EIF3L: variants seen among roughly 807,000 people sequenced by gnomAD.
The protein encoded by EIF3L is eIEF associated protein HSPC021.
Under a neutral mutation model 74.6 loss-of-function variants are expected in EIF3L, and 32 were observed. That is an observed-to-expected ratio of 0.43 (90% confidence interval 0.32 to 0.58). EIF3L has a LOEUF of 0.58. Among genes scored for constraint, EIF3L ranks in the 20% least tolerant of loss-of-function variants. The pLI is 0.06. For missense variants in EIF3L, 474 were observed against 707.8 expected (o/e 0.67, Z 3.75); for synonymous variants, 256 against 254.4 (o/e 1.01, Z -0.06).
intron 5 of EIF3L, among the ~76,000 whole-genome samples, chr22:37,860,865 A>G (rs112518771): frequency 9.4e-4 from 143 of 152,180 alleles, no homozygotes; most frequent in African/African-American, 3.2e-3. Context: ...GTCACTTCCA[A>G]TCCTACCATG....
Position 37,888,453 on chromosome 22 carries a change from C to T in EIF3L, c.1684C>T (p.Gln562Ter), listed in dbSNP as rs1231667754. The change falls in exon 13 of 13, where the codon CAG becomes TAG. Residue 562 changes from glutamine to a stop codon, truncating the protein, a stop_gained. Coordinates refer to ENST00000652021, the MANE Select transcript of EIF3L (RefSeq NM_016091.4). LOFTEE classifies it high-confidence loss of function. ...TAATCGAACCCTGAAGAAGATGGGA[C>T]AGAGACCTTGATGATATTCACACAC... ...ELNRTLKKMG[Q>*]RP The T allele has an allele frequency of 6.2e-7, 1 of 1,613,880 alleles. No homozygotes were observed. The highest frequency in any genetic ancestry group is 1.7e-5 in the Admixed American group (1 of 60,010).
intron 5 of EIF3L, among the ~76,000 whole-genome samples, chr22:37,861,457 G>A (rs896671861): frequency 2.6e-5 from 4 of 152,158 alleles, no homozygotes; most frequent in Non-Finnish European, 4.4e-5. Context: ...AGGCTAAGGC[G>A]GGTGGATCAC....
intron 11 of EIF3L, chr22:37,882,450 GATC>G (rs1927096868): frequency 6.6e-6 from 1 of 152,184 alleles, no homozygotes; most frequent in African/African-American, 2.4e-5. Flanking sequence ...AAGGTGGGTA[GATC>G]ATCAGAGGTC....
intron 2 of EIF3L, chr22:37,850,490 C>G (rs1046185922): frequency 2.7e-5 from 6 of 221,918 alleles, no homozygotes; most frequent in Non-Finnish European, 4.7e-5. Flanking sequence ...GCGCCCACCA[C>G]CATTCCCAGC....
chr22:37,877,505 G>C (rs938718291), intron 10 of EIF3L, 169 bp from the exon 11 acceptor site: 1 of 755,510 alleles, frequency 1.3e-6, no homozygotes, highest in Admixed American at 3.2e-5. Context: ...ATGGAAGTTA[G>C]GTAGATCTAG....
chr22:37,878,311 C>G lies in EIF3L; in HGVS notation c.1575+140C>G, dbSNP rs1926861569. 4 of 1,102,582 alleles carry G rather than the reference C, an allele frequency of 3.6e-6. No homozygotes were observed. The African/African-American group carries it at 4.7e-5, about 13-fold the overall frequency. The allele number at this position is 1,102,582 out of a possible 1,614,324, so 68.3% of individuals were successfully genotyped here. On this transcript the variant is annotated intron_variant, in intron 11 of 12. Transcript: ENST00000652021. ...TGCCACAAGGTGCCAGGTGTGGTGG[C>G]TCATGCCAGTAATACTAGTACTTTA...
At chr22:37,867,774 G>A (rs1172712604) in intron 7 of EIF3L, among the ~76,000 whole-genome samples, 12 of 151,456 alleles carry the variant, frequency 7.9e-5, no homozygotes, top group African/African-American at 2.7e-4. Flanking sequence ...CTAACACGGT[G>A]AAACCCCGTC....
intron 11 of EIF3L, chr22:37,884,706 C>CTAA (rs1927228084): frequency 6.6e-6 from 1 of 152,058 alleles, no homozygotes; most frequent in East Asian, 1.9e-4. Flanking sequence ...GGAGAGAGTC[C>CTAA]CTTATAGCCC....
intron 7 of EIF3L, among the ~76,000 whole-genome samples, chr22:37,866,601 T>C (rs1926163018): frequency 6.6e-6 from 1 of 152,014 alleles, no homozygotes; most frequent in East Asian, 1.9e-4. Context: ...CTGACCAACA[T>C]GGTGAAACCC....
chr22:37,886,765 G>A lies in EIF3L; in HGVS notation c.1576G>A (p.Asp526Asn). The change falls in exon 12 of 13, where the codon GAC (aspartate) becomes AAC (asparagine). Residue 526 changes from aspartate to asparagine, a missense_variant and splice_region_variant. Coordinates refer to ENST00000652021, the MANE Select transcript of EIF3L (RefSeq NM_016091.4). Reference protein sequence around the residue: ...ASEVDFYIDKDMIHIADTKVA... With the variant: ...ASEVDFYIDKNMIHIADTKVA... The stretch of plus-strand genomic sequence containing the variant: ...TCCCTGACTGTGCTTTCCCCCACAG[G>A]ACATGATCCACATCGCGGACACCAA... The A allele has an allele frequency of 6.2e-7, 1 of 1,608,236 alleles. No individual in the cohort carries two copies. Among genetic ancestry groups the A allele is most frequent in the East Asian group, 2.2e-5 (1 of 44,590 alleles).
rs1925452172 is a variant in EIF3L at position 37,855,490 on chromosome 22, C to T, written c.294-75C>T. On this transcript the variant is annotated intron_variant, in intron 3 of 12. Coordinates refer to ENST00000652021, the MANE Select transcript of EIF3L (RefSeq NM_016091.4). Reference sequence around the variant, plus strand: ...CATCTTCCCCTTTCTAAGCCTGGGTCCTCATCTGTAAAATGTTAGGATTGG... The same window carrying T: ...CATCTTCCCCTTTCTAAGCCTGGGTTCTCATCTGTAAAATGTTAGGATTGG... The T allele has an allele frequency of 4.4e-6, 6 of 1,348,328 alleles. No individual in the cohort carries two copies. In the Admixed American group the frequency reaches 1.0e-4, roughly 23 times the overall value. 83.5% of individuals were successfully genotyped at this position (1,348,328 alleles called of 1,614,324 possible).
chr22:37,863,173 C>A, intron 6 of EIF3L, 99 bp from the exon 7 acceptor site: 1 of 1,186,890 alleles, frequency 8.4e-7, no homozygotes, highest in Non-Finnish European at 1.2e-6. Context: ...TCTTGTGATT[C>A]ATGGTCCTTT....
intron 3 of EIF3L, among the ~76,000 whole-genome samples, chr22:37,854,706 A>T (rs1029278608): frequency 2.6e-5 from 4 of 152,232 alleles, no homozygotes; most frequent in South Asian, 2.1e-4. Flanking sequence ...ACCTCAAGTG[A>T]TCCACCCGCC....
rs764522830 is a variant in EIF3L at position 37,877,693 on chromosome 22, A to G, written c.1097A>G (p.Gln366Arg). The change falls in exon 11 of 13, where the codon CAG becomes CGG. Residue 366 changes from glutamine to arginine, a missense_variant. Around this residue, in one of 4 missense-constraint regions of EIF3L, gnomAD observed 293 missense variants for 469.1 expected, o/e 0.62. Transcript: ENST00000652021. ...CCCCAGATTAACAAGCAGAATGAGC[A>G]GATGCATGCGCTGCTGGCCATTGCC... ...KYEMINKQNE[Q>R]MHALLAIALT... 6.2e-7 allele frequency: 1 copy of G among 1,605,238 alleles called. No individual in the cohort carries two copies. Among genetic ancestry groups the G allele is most frequent in the East Asian group, 2.2e-5 (1 of 44,800 alleles).
intron 7 of EIF3L, among the ~76,000 whole-genome samples, chr22:37,865,364 G>T (rs1340168802): frequency 6.6e-6 from 1 of 151,944 alleles, no homozygotes; most frequent in Admixed American, 6.6e-5. Flanking sequence ...GGAGGCTGAG[G>T]CAGGGGAATC....
intron 3 of EIF3L, among the ~76,000 whole-genome samples, chr22:37,852,217 G>A (rs1048330690): frequency 8.5e-5 from 13 of 152,172 alleles, no homozygotes; most frequent in Non-Finnish European, 1.8e-4. Flanking sequence ...ATCCATCAAT[G>A]TTCAGTGTGT....
intron 7 of EIF3L, 97 bp from the exon 8 acceptor site, chr22:37,870,079 T>G: frequency 8.9e-7 from 1 of 1,129,098 alleles, no homozygotes. Flanking sequence ...CCTTGCCCCA[T>G]CCAGAGCCAG....
intron 4 of EIF3L, among the ~76,000 whole-genome samples, chr22:37,856,048 AT>A (rs35588386): frequency 0.59 from 88,266 of 150,808 alleles, 26,144 homozygotes; most frequent in East Asian, 0.86. Flanking sequence ...TTATTTATTT[AT>A]TTTATTTTAT....
chr22:37,886,805 A>G lies in EIF3L; in HGVS notation c.1616A>G (p.Tyr539Cys). 1 of 1,611,422 alleles carries G rather than the reference A, an allele frequency of 6.2e-7. No homozygotes were observed. Among genetic ancestry groups the G allele is most frequent in the Non-Finnish European group, 8.5e-7 (1 of 1,178,218 alleles). The change falls in exon 12 of 13, where the codon TAT (tyrosine) becomes TGT (cysteine). Residue 539 changes from tyrosine (Y) to cysteine (C), a missense_variant. Around this residue, in one of 4 missense-constraint regions of EIF3L, gnomAD observed 293 missense variants for 469.1 expected, o/e 0.62. Coordinates refer to ENST00000652021, the MANE Select transcript of EIF3L (RefSeq NM_016091.4). ...HIADTKVARR[Y>C]GDFFIRQIHK... ...GCGGACACCAAGGTCGCCAGGCGTT[A>G]TGGGGATTTCTTCATCCGTCAGATC...
Sources: allele counts gnomAD v4.1 joint callset (sites outside exome capture counted in the v4.1 genomes callset), GRCh38; gene constraint gnomAD v4.1.1; regional missense constraint gnomAD v4.1.1; transcripts MANE v1.5; gene names NCBI Gene and HGNC (gene_info 2026-07-23, HGNC 2026-07-21).